Variants in SLIT2 observed in about 807,000 individuals in gnomAD.
The protein encoded by SLIT2 is slit guidance ligand 2.
Under a neutral mutation model 185.7 loss-of-function variants are expected in SLIT2, and 41 were observed. That is an observed-to-expected ratio of 0.22 (90% CI 0.17 to 0.29). SLIT2 has a LOEUF of 0.29. SLIT2 is among the 10% of genes least tolerant of loss of function. The pLI is 1.00. For synonymous variants in SLIT2, 693 were observed against 680.2 expected (o/e 1.02, Z -0.29); for missense variants, 1,571 against 1,909.0 (o/e 0.82, Z 3.30).
At chr4:20,335,928 T>C (rs1449892825) in intron 4 of SLIT2, among the ~76,000 whole-genome samples, 1 of 148,222 alleles carries the variant, frequency 6.7e-6, no homozygotes, top group Non-Finnish European at 1.5e-5. Flanking sequence ...TTTATAACAA[T>C]GTGCTGCCAA....
At chr4:20,325,080 C>G (rs1719448240) in intron 4 of SLIT2, among the ~76,000 whole-genome samples, 1 of 151,852 alleles carries the variant, frequency 6.6e-6, no homozygotes, top group African/African-American at 2.4e-5. Context: ...CTCTTTTCTT[C>G]CTCTCCCTCC....
chr4:20,322,147 A>G (rs1245111229), intron 4 of SLIT2, among the ~76,000 whole-genome samples: 1 of 152,122 alleles, frequency 6.6e-6, no homozygotes, highest in Non-Finnish European at 1.5e-5. Context: ...CAGAACCTCC[A>G]TTTCATATGT....
chr4:20,507,999 A>G (rs1018621357), intron 9 of SLIT2, among the ~76,000 whole-genome samples: 4 of 152,078 alleles, frequency 2.6e-5, no homozygotes, highest in Non-Finnish European at 5.9e-5. Flanking sequence ...ATTACTCTTA[A>G]CTGTCAATCA....
At position 20,519,434 on chromosome 4, in the gene SLIT2, C is replaced by A. The variant is rs776651269; in HGVS notation, c.1111C>A (p.Leu371Met). ...ACTCCCCAAAAGTTTATTTGAAGGA[C>A]TGTTTTCCTTACAGCTCCTGTAAGT... ...TELPKSLFEG[L>M]FSLQLLLLNA... is the part of the protein sequence containing the mutation. The change falls in exon 12 of 37, where the codon CTG becomes ATG. Residue 371 changes from leucine to methionine, a missense_variant. Physicochemically the swap from Leu to Met is conservative, Grantham distance 15 (BLOSUM62 2). Around this residue, in one of 3 missense-constraint regions of SLIT2, gnomAD observed 1,202 missense variants for 1,416.4 expected, o/e 0.85. Transcript: ENST00000504154. 3.8e-6 allele frequency: 6 copies of A among 1,582,966 alleles called. No individual in the cohort carries two copies. Among genetic ancestry groups the A allele is most frequent in the Non-Finnish European group, 5.2e-6 (6 of 1,152,638 alleles).
rs78265074 is a variant in SLIT2, at chr4:20,402,651, T to C, written c.396-65101T>C. 9.6e-3 allele frequency among the ~76,000 whole-genome samples: 1,455 copies of C among 151,966 alleles called. 12 individuals carry two copies. Among genetic ancestry groups the C allele is most frequent in the East Asian group, 0.053 (273 of 5,162 alleles). On this transcript the variant is annotated intron_variant, in intron 4 of 36. Transcript: ENST00000504154. ...TAACATGTGCATTACCCAACTAATA[T>C]AGCTTTTGTTTCCTTTATCACATTT...
chr4:20,326,955 A>G (rs987548642), intron 4 of SLIT2, among the ~76,000 whole-genome samples: 1 of 151,838 alleles, frequency 6.6e-6, no homozygotes, highest in Non-Finnish European at 1.5e-5. Context: ...ACATTTTATT[A>G]GGAAATAACA....
chr4:20,384,088 C>CT (rs35319077), intron 4 of SLIT2, among the ~76,000 whole-genome samples: 7,286 of 147,654 alleles, frequency 0.049, 205 homozygotes, highest in Admixed American at 0.081. Flanking sequence ...TTCAGAGCAG[C>CT]TTTTTTTTTT....
intron 4 of SLIT2, among the ~76,000 whole-genome samples, chr4:20,456,158 C>T (rs1713043416): frequency 6.6e-6 from 1 of 150,546 alleles, no homozygotes; most frequent in Admixed American, 6.7e-5. Context: ...ATTCCTAAAT[C>T]CTTTGTTATA....
chr4:20,510,301 T>C (rs938129907), intron 9 of SLIT2, among the ~76,000 whole-genome samples, 194 bp from the exon 10 acceptor site: 2 of 152,186 alleles, frequency 1.3e-5, no homozygotes, highest in African/African-American at 2.4e-5. Flanking sequence ...ATGTTTATAA[T>C]TGCTTAGTTT....
Position 20,253,840 on chromosome 4 carries a change from C to T in SLIT2, c.25C>T (p.Leu9=). The T allele has an allele frequency of 6.3e-7, 1 of 1,599,870 alleles. No homozygotes were observed. Among genetic ancestry groups the T allele is most frequent in the Non-Finnish European group, 8.5e-7 (1 of 1,179,834 alleles). The change falls in exon 1 of 37, where the codon CTG becomes TTG. Residue 9 remains leucine, a synonymous_variant. Coordinates refer to ENST00000504154, the MANE Select transcript of SLIT2 (RefSeq NM_004787.4). MRGVGWQM[L]SLSLGLVLAI... is the part of the protein sequence containing the mutation. ...GATGCGCGGCGTTGGCTGGCAGATGCTGTCCCTGTCGCTGGGGTTAGTGCT... is the reference window on the plus strand; with the variant it reads ...GATGCGCGGCGTTGGCTGGCAGATGTTGTCCCTGTCGCTGGGGTTAGTGCT...
chr4:20,504,241 A>G (rs961406229), intron 9 of SLIT2, among the ~76,000 whole-genome samples: 7 of 152,168 alleles, frequency 4.6e-5, no homozygotes, highest in Admixed American at 1.3e-4. Context: ...TGTTGGCTAC[A>G]GTGGACAACT....
intron 4 of SLIT2, among the ~76,000 whole-genome samples, chr4:20,368,055 A>G (rs1011548942): frequency 2.0e-5 from 3 of 152,132 alleles, no homozygotes; most frequent in Non-Finnish European, 2.9e-5. Flanking sequence ...GTTGTGTACA[A>G]TAAGAAGTCT....
At chr4:20,486,619 C>A (rs1365032659) in intron 7 of SLIT2, among the ~76,000 whole-genome samples, 11 of 152,112 alleles carry the variant, frequency 7.2e-5, no homozygotes, top group Non-Finnish European at 1.5e-4. Flanking sequence ...GTACTGCAAG[C>A]AGACCTAATA....
At chr4:20,581,961 T>G (rs1380360160) in intron 29 of SLIT2, among the ~76,000 whole-genome samples, 1 of 152,086 alleles carries the variant, frequency 6.6e-6, no homozygotes, top group Non-Finnish European at 1.5e-5. Context: ...TGGCCAGGCT[T>G]GTCTCAAACT....
At chr4:20,268,941 A>C in intron 4 of SLIT2, 60 bp downstream of exon 4, 1 of 1,006,904 alleles carries the variant, frequency 9.9e-7, no homozygotes, top group Non-Finnish European at 1.6e-6. Flanking sequence ...TATTAAATGT[A>C]TTTTGGATCT....
intron 9 of SLIT2, among the ~76,000 whole-genome samples, chr4:20,507,544 ATTAT>A (rs967584357): frequency 2.6e-5 from 4 of 151,782 alleles, no homozygotes; most frequent in African/African-American, 9.7e-5. Flanking sequence ...GCAAAATAAG[ATTAT>A]TTATCAATAA....
intron 4 of SLIT2, among the ~76,000 whole-genome samples, chr4:20,437,914 CAAAAAAAAAAA>C (rs1224604666): frequency 1.5e-5 from 1 of 65,614 alleles, no homozygotes; most frequent in Non-Finnish European, 2.8e-5. Context: ...GACTCCGTCT[CAAAAAAAAAAA>C]AAAAAAAAAA....
intron 19 of SLIT2, among the ~76,000 whole-genome samples, chr4:20,540,796 G>A (rs570059025): frequency 1.4e-4 from 22 of 152,246 alleles, no homozygotes; most frequent in South Asian, 2.1e-4. Flanking sequence ...ATTTTACATC[G>A]AGTGGCTAAT....
chr4:20,426,415 G>C (rs1311540215), intron 4 of SLIT2, among the ~76,000 whole-genome samples: 1 of 152,114 alleles, frequency 6.6e-6, no homozygotes, highest in Non-Finnish European at 1.5e-5. Context: ...TATAAGAAAA[G>C]GTGGTAGGGG....
Sources: allele counts gnomAD v4.1 joint callset (sites outside exome capture counted in the v4.1 genomes callset), GRCh38; gene constraint gnomAD v4.1.1; regional missense constraint gnomAD v4.1.1; transcripts MANE v1.5; gene names NCBI Gene and HGNC (gene_info 2026-07-23, HGNC 2026-07-21).